The following LAMB4 variants were observed in gnomAD, a reference collection of about 807,000 sequenced individuals.
LAMB4 encodes the protein laminin subunit beta-4.
In LAMB4, 196 loss-of-function variants were observed where a neutral mutation model predicts 199.2. The observed-to-expected ratio is 0.98, with a 90% CI of 0.88 to 1.11. The LOEUF (loss-of-function observed/expected upper bound fraction) is 1.11. Among genes scored for constraint, LAMB4 ranks in the 50% least tolerant of loss-of-function variants. The pLI is 0.00. For synonymous variants in LAMB4, 744 were observed against 770.6 expected (o/e 0.97, Z 0.57); for missense variants, 2,080 against 2,171.2 (o/e 0.96, Z 0.83).
intron 14 of LAMB4, among the ~76,000 whole-genome samples, chr7:108,085,754 C>T (rs1037515758): frequency 3.9e-5 from 6 of 152,144 alleles, no homozygotes; most frequent in African/African-American, 1.4e-4. Flanking sequence ...GCTGGGACTA[C>T]AGGCGCCCAC....
chr7:108,103,948 T>G (rs1278453740), intron 9 of LAMB4, among the ~76,000 whole-genome samples: 4 of 152,106 alleles, frequency 2.6e-5, no homozygotes, highest in African/African-American at 4.8e-5. Flanking sequence ...GAAAAGAAAT[T>G]GAATAACAAA....
chr7:108,035,604 C>CAAAAAAAAAAAAAAAAAAAAAAAAAAAA (rs34425857), intron 30 of LAMB4, among the ~76,000 whole-genome samples: 1 of 79,946 alleles, frequency 1.3e-5, no homozygotes, highest in Non-Finnish European at 2.4e-5. Context: ...TAGAGAGTAC[C>CAAAAAAAAAAAAAAAAAAAAAAAAAAAA]AAAAAAAAAA....
chr7:108,064,635 C>G (rs1329866774), intron 21 of LAMB4, among the ~76,000 whole-genome samples: 1 of 152,178 alleles, frequency 6.6e-6, no homozygotes, highest in Non-Finnish European at 1.5e-5. Flanking sequence ...TCACTTAGCC[C>G]AAACATGGTC....
At position 108,103,127 on chromosome 7, in the gene LAMB4, G is replaced by C; in HGVS notation, c.1097C>G (p.Thr366Ser). 6.2e-7 allele frequency: 1 copy of C among 1,613,762 alleles called. No individual in the cohort carries two copies. The highest frequency in any genetic ancestry group is 8.5e-7 in the Non-Finnish European group (1 of 1,179,876). Reference sequence around the variant, plus strand: ...GCAGCGGTCGCAGTGCTGCCCCTCAGTGTTGTGCTGGCAGTCTTCACACAC... The same window carrying C: ...GCAGCGGTCGCAGTGCTGCCCCTCACTGTTGTGCTGGCAGTCTTCACACAC... ...GGVCEDCQHN[T>S]EGQHCDRCRP... Residue 366 changes from threonine to serine, a missense_variant, in exon 10 of 34, where the codon ACT (threonine) becomes AGT (serine). Transcript: ENST00000388781.
intron 31 of LAMB4, 42 bp from the exon 32 acceptor site, chr7:108,031,021 G>A: frequency 2.5e-6 from 4 of 1,570,344 alleles, no homozygotes; most frequent in South Asian, 1.1e-5. Context: ...ATCTCTTTAT[G>A]AAACAAACAA....
At chr7:108,024,693 T>C (rs1015978286) in intron 33 of LAMB4, among the ~76,000 whole-genome samples, 1 of 150,592 alleles carries the variant, frequency 6.6e-6, no homozygotes, top group African/African-American at 2.5e-5. Context: ...ACCCATCCAT[T>C]GACCCATCCA....
At chr7:108,118,720 T>G (rs1378743462) in intron 2 of LAMB4, among the ~76,000 whole-genome samples, 1 of 152,014 alleles carries the variant, frequency 6.6e-6, no homozygotes, top group African/African-American at 2.4e-5. Context: ...AATCTGGCAT[T>G]TAGGGCTAGG....
At chr7:108,021,328 T>C (rs528241781), downstream of LAMB4, among the ~76,000 whole-genome samples, 10 of 152,270 alleles carry the variant, frequency 6.6e-5, no homozygotes, top group Middle Eastern at 3.4e-3. Flanking sequence ...AGACTGTGGG[T>C]TGGTTTCCCT....
Position 108,104,737 on chromosome 7 carries a change from A to G in LAMB4, c.871-118T>C, listed in dbSNP as rs557573738. 176 of 1,131,138 alleles carry G rather than the reference A, an allele frequency of 1.6e-4. 1 individual carries two copies. The African/African-American group carries it at 2.4e-3, about 15-fold the overall frequency. 70.1% of individuals were successfully genotyped at this position (1,131,138 alleles called of 1,614,324 possible). A position where few individuals can be genotyped will look rare whatever the true frequency, so the allele number is the denominator to read the frequency against. On this transcript the variant is annotated intron_variant, in intron 8 of 33. Transcript: ENST00000388781. ...ACCTCTCTGATCCTTAGTTTCCCAT[A>G]TGTTAATTACAATACCAACCTTGAT...
intron 14 of LAMB4, among the ~76,000 whole-genome samples, chr7:108,081,303 C>A (rs745859949): frequency 6.6e-6 from 1 of 152,080 alleles, no homozygotes; most frequent in Non-Finnish European, 1.5e-5. Context: ...GCCAACACAG[C>A]CTCTGGGAGC....
intron 17 of LAMB4, among the ~76,000 whole-genome samples, chr7:108,073,241 G>A (rs1006130486): frequency 5.9e-5 from 9 of 152,190 alleles, no homozygotes; most frequent in Admixed American, 6.5e-5. Flanking sequence ...CCTGATGTCC[G>A]GTGATCCGCC....
intron 30 of LAMB4, among the ~76,000 whole-genome samples, chr7:108,036,829 C>T (rs964843946): frequency 6.6e-5 from 10 of 150,626 alleles, no homozygotes; most frequent in South Asian, 2.1e-4. Context: ...CTCTAGTGTC[C>T]GTTCTGTTCC....
chr7:108,090,304 C>T (rs423686), intron 14 of LAMB4, among the ~76,000 whole-genome samples: 3 of 151,964 alleles, frequency 2.0e-5, no homozygotes, highest in Non-Finnish European at 2.9e-5. Context: ...CAGCAGAGAA[C>T]GAAAATTATT....
At chr7:108,054,010 A>G (rs1394815549) in intron 25 of LAMB4, among the ~76,000 whole-genome samples, 2 of 152,204 alleles carry the variant, frequency 1.3e-5, no homozygotes, top group African/African-American at 4.8e-5. Flanking sequence ...AGATCTTGCA[A>G]CGCAGAAGTT....
At chr7:108,014,867 C>T in the LAMB4 span, among the ~76,000 whole-genome samples, 9 of 152,184 alleles carry the variant, frequency 5.9e-5, no homozygotes, top group African/African-American at 1.4e-4. Context: ...GGACCACTGG[C>T]GTGAGCCACC....
rs748169558 is a variant in LAMB4 at position 108,043,545 on chromosome 7, G to GTTTTTTTTTTTTTTTTTTTTTTTT, written c.4471+183_4471+206dup. 1.1e-4 allele frequency among the ~76,000 whole-genome samples: 6 copies of GTTTTTTTTTTTTTTTTTTTTTTTT among 55,998 alleles called. 2 individuals are homozygous for GTTTTTTTTTTTTTTTTTTTTTTTT. Among genetic ancestry groups the GTTTTTTTTTTTTTTTTTTTTTTTT allele is most frequent in the Non-Finnish European group, 1.2e-4 (4 of 34,532 alleles). 36.7% of individuals were successfully genotyped at this position (55,998 alleles called of 152,430 possible). A position where few individuals can be genotyped will look rare whatever the true frequency, so the allele number is the denominator to read the frequency against. On this transcript the variant is annotated intron_variant, in intron 29 of 33. Coordinates refer to ENST00000388781, the MANE Select transcript of LAMB4 (RefSeq NM_007356.3). ...AATATAATTTGGAACTGGCTATGAT[G>GTTTTTTTTTTTTTTTTTTTTTTTT]TTTTTTTTTTTTTTTTTTTTTTTTT...
At chr7:108,070,770 T>C (rs2036505678) in intron 17 of LAMB4, among the ~76,000 whole-genome samples, 1 of 152,174 alleles carries the variant, frequency 6.6e-6, no homozygotes, top group South Asian at 2.1e-4. Flanking sequence ...AAAAATCATA[T>C]GTAGGTTTTT....
intron 26 of LAMB4, among the ~76,000 whole-genome samples, chr7:108,049,867 G>A (rs2035772697): frequency 6.6e-6 from 1 of 152,140 alleles, no homozygotes; most frequent in Admixed American, 6.6e-5. Flanking sequence ...AATAATTTGT[G>A]AGAATTGAGA....
intron 29 of LAMB4, among the ~76,000 whole-genome samples, chr7:108,042,937 C>CTCTGTGTG (rs1554426273): frequency 1.3e-3 from 176 of 140,388 alleles, no homozygotes; most frequent in African/African-American, 4.6e-3. Flanking sequence ...CTCTCAATCT[C>CTCTGTGTG]TGTGTGTGTG....
Sources: gnomAD v4.1 joint callset for allele counts (sites outside exome capture counted in the v4.1 genomes callset) on GRCh38, gnomAD v4.1.1 for gene constraint, MANE v1.5 for transcripts, NCBI Gene and HGNC (gene_info 2026-07-23, HGNC 2026-07-21) for gene names.